Variants in CAPRIN2 observed in about 807,000 individuals in gnomAD.
CAPRIN2 encodes the protein caprin-2.
In CAPRIN2, 66 loss-of-function variants were observed where a neutral mutation model predicts 130.4. That is an observed-to-expected ratio of 0.51 (90% confidence interval 0.42 to 0.62). The LOEUF is 0.62. Among genes scored for constraint, CAPRIN2 ranks in the 20% least tolerant of loss-of-function variants. The pLI is 0.00. For missense variants in CAPRIN2, 1,185 were observed against 1,246.6 expected (o/e 0.95, Z 0.74); for synonymous variants, 471 against 444.1 (o/e 1.06, Z -0.76).
intron 3 of CAPRIN2, among the ~76,000 whole-genome samples, chr12:30,739,923 G>A (rs2066637324): frequency 6.6e-6 from 1 of 152,080 alleles, no homozygotes; most frequent in Non-Finnish European, 1.5e-5. Flanking sequence ...AGGCCTGAAT[G>A]AAAAACTAAA....
chr12:30,710,308 G>A lies in CAPRIN2; in HGVS notation c.2828C>T (p.Pro943Leu). The change falls in exon 17 of 17, where the codon CCT becomes CTT. Residue 943 changes from proline to leucine, a missense_variant. Around this residue, in one of 2 missense-constraint regions of CAPRIN2, gnomAD observed 1,104 missense variants for 1,104.3 expected, o/e 1.00. Transcript: ENST00000298892. This position sits in a 1 kb window ranked among gnomAD's most constrained non-coding sequence, Gnocchi z 4.8. ...TGAGAAGGCAACTCGCATCTGCTGA[G>A]GCAGAGGGTAGACGTGTACTGGCAG... The A allele has an allele frequency of 1.2e-6, 2 of 1,614,188 alleles. No individual in the cohort carries two copies. Among genetic ancestry groups the A allele is most frequent in the Non-Finnish European group, 1.7e-6 (2 of 1,180,034 alleles).
chr12:30,728,338 A>AG (rs1208225340), intron 8 of CAPRIN2: 1 of 223,250 alleles, frequency 4.5e-6, no homozygotes, highest in African/African-American at 2.3e-5. Flanking sequence ...TTGGATCACG[A>AG]GATCAGGAGA....
At chr12:30,721,248 C>T (rs1475697563) in intron 11 of CAPRIN2, among the ~76,000 whole-genome samples, 1 of 152,210 alleles carries the variant, frequency 6.6e-6, no homozygotes, top group Non-Finnish European at 1.5e-5. Context: ...AACTACACAT[C>T]TCATCCCATG....
exon 4 of CAPRIN2, chr12:30,734,974 C>T (rs866920700): frequency 6.2e-7 from 1 of 1,609,768 alleles, no homozygotes; most frequent in African/African-American, 1.3e-5. Context: ...TTACCTCAGA[C>T]TTTCATTTCT....
intron 1 of CAPRIN2, among the ~76,000 whole-genome samples, chr12:30,751,907 GTATTT>G (rs2074090661): frequency 4.0e-5 from 5 of 123,552 alleles, no homozygotes; most frequent in South Asian, 2.5e-4. Context: ...ACCCACTATG[GTATTT>G]TTTTTTTTTT....
chr12:30,730,196 G>A, intron 7 of CAPRIN2, 43 bp downstream of exon 8: 4 of 1,526,550 alleles, frequency 2.6e-6, no homozygotes, highest in Non-Finnish European at 3.6e-6. Flanking sequence ...CTATGCAAAA[G>A]GCTGAAAAAT....
exon 17 of CAPRIN2, chr12:30,709,970 T>C: frequency 6.2e-7 from 1 of 1,613,832 alleles, no homozygotes. Flanking sequence ...ATTGCTCCCC[T>C]GTGCAGACGT....
chr12:30,753,796 A>G, exon 1 of CAPRIN2: 4 of 1,566,046 alleles, frequency 2.6e-6, no homozygotes, highest in Non-Finnish European at 2.6e-6. Context: ...CCGCTAGCCA[A>G]TAAGGATAGC....
At position 30,710,390 on chromosome 12, in the gene CAPRIN2, C is replaced by T. The variant is rs1387482218; in HGVS notation, c.2746G>A (p.Asp916Asn). ...TCCACAGGGGTCATGCTACGGGAGT[C>T]TCCTTGTCCAGAGTCACCACTGTTA... The change falls in exon 17 of 17, where the codon GAC (aspartate) becomes AAC (asparagine). Residue 916 changes from aspartate (D) to asparagine (N), a missense_variant. By Grantham distance (23) the Asp-to-Asn change is conservative. Coordinates refer to ENST00000298892, the Ensembl canonical transcript of CAPRIN2. The surrounding 1 kb of genome is among the most constrained non-coding windows in gnomAD (Gnocchi z 4.8). 1 of 1,614,152 alleles carries T rather than the reference C, an allele frequency of 6.2e-7. No homozygotes were observed. Among genetic ancestry groups the T allele is most frequent in the South Asian group, 1.1e-5 (1 of 91,072 alleles).
chr12:30,736,245 A>G (rs1217389463), intron 3 of CAPRIN2, among the ~76,000 whole-genome samples: 1 of 152,214 alleles, frequency 6.6e-6, no homozygotes, highest in East Asian at 1.9e-4. Flanking sequence ...AAAGTCTGAC[A>G]TAATATTCAT....
exon 10 of CAPRIN2, chr12:30,724,445 C>A: frequency 6.2e-7 from 1 of 1,605,534 alleles, no homozygotes; most frequent in Non-Finnish European, 8.5e-7. Context: ...AAGTCAAGAA[C>A]AGACTCCTAA....
chr12:30,712,591 T>A (rs2055387204), intron 15 of CAPRIN2, among the ~76,000 whole-genome samples: 1 of 152,170 alleles, frequency 6.6e-6, no homozygotes, highest in South Asian at 2.1e-4. Flanking sequence ...TCATGGAGAA[T>A]ACCTCAGTGT....
intron 2 of CAPRIN2, among the ~76,000 whole-genome samples, chr12:30,744,872 T>C (rs993521342): frequency 6.6e-6 from 1 of 152,316 alleles, no homozygotes; most frequent in South Asian, 2.1e-4. Context: ...ATAGTTCAGA[T>C]GATCTTAGAG....
At chr12:30,719,052 C>T in intron 12 of CAPRIN2, 27 bp downstream of exon 14, 4 of 1,601,106 alleles carry the variant, frequency 2.5e-6, no homozygotes, top group Non-Finnish European at 3.4e-6. Context: ...TAATGAACTG[C>T]AATCATCATT....
chr12:30,718,259 G>A (rs2058283491), intron 12 of CAPRIN2, among the ~76,000 whole-genome samples: 1 of 152,206 alleles, frequency 6.6e-6, no homozygotes, highest in South Asian at 2.1e-4. Context: ...GAACTGACAG[G>A]AAAAGAGTGA....
chr12:30,743,293 A>G (rs1191864311), intron 2 of CAPRIN2, among the ~76,000 whole-genome samples: 3 of 152,130 alleles, frequency 2.0e-5, no homozygotes, highest in Admixed American at 1.3e-4. Context: ...CTAAACAAGA[A>G]AAATTAGTTC....
rs368672198 is a variant in CAPRIN2 at position 30,732,355 on chromosome 12, A to T, written c.893-845T>A. On this transcript the variant is annotated intron_variant, in intron 5 of 16. Transcript: ENST00000298892. ...GTACTATGACATAGATTTTGAGTCT[A>T]TTATTCCTTTCATAGGAGTACTATG... Among the ~76,000 whole-genome samples, 13 of 152,110 alleles carry T rather than the reference A, an allele frequency of 8.5e-5. 1 individual carries two copies. In the East Asian group the frequency reaches 1.4e-3, roughly 16 times the overall value.
At chr12:30,723,090 G>A (rs112896640) in intron 11 of CAPRIN2, among the ~76,000 whole-genome samples, 169 bp downstream of exon 12, 1,691 of 152,220 alleles carry the variant, frequency 0.011, 24 homozygotes, top group African/African-American at 0.039. Flanking sequence ...CATAGTCATC[G>A]GGGAATCATT....
At chr12:30,753,820 A>G in exon 1 of CAPRIN2, 2 of 1,491,108 alleles carry the variant, frequency 1.3e-6, no homozygotes, top group Non-Finnish European at 1.8e-6. Context: ...TACATAGGCA[A>G]AATCTCCCAA....
Sources: gnomAD v4.1 joint callset for allele counts (sites outside exome capture counted in the v4.1 genomes callset) on GRCh38, gnomAD v4.1.1 for gene constraint, gnomAD v4.1.1 regional missense constraint, Gnocchi (gnomAD v3.1) non-coding constraint, MANE v1.5 for transcripts, NCBI Gene and HGNC (gene_info 2026-07-23, HGNC 2026-07-21) for gene names.